The following MIPOL1 variants were observed in gnomAD, a reference collection of about 807,000 sequenced individuals.
MIPOL1 encodes mirror-image polydactyly gene 1 protein.
Under a neutral mutation model 60.9 loss-of-function variants are expected in MIPOL1, and 57 were observed. That is an observed-to-expected ratio of 0.94 (90% CI 0.76 to 1.17). MIPOL1 has a LOEUF of 1.17. MIPOL1 is among the 50% of genes most tolerant of loss of function. The pLI, the probability that MIPOL1 is intolerant of heterozygous loss-of-function variation, is 0.00. For missense variants in MIPOL1, 551 were observed against 511.6 expected (o/e 1.08, Z -0.74); for synonymous variants, 179 against 168.8 (o/e 1.06, Z -0.47).
At chr14:37,215,108 T>C (rs899316358) in intron 1 of MIPOL1, among the ~76,000 whole-genome samples, 1 of 152,186 alleles carries the variant, frequency 6.6e-6, no homozygotes, top group Admixed American at 6.5e-5. Context: ...GTCTCTGATA[T>C]GCAGAAATAA....
intron 9 of MIPOL1, among the ~76,000 whole-genome samples, chr14:37,342,990 A>G (rs2153463754): frequency 6.7e-6 from 1 of 149,694 alleles, no homozygotes; most frequent in South Asian, 2.1e-4. Context: ...TGTAGTTAAA[A>G]TATATATTTA....
intron 9 of MIPOL1, among the ~76,000 whole-genome samples, chr14:37,337,866 C>A (rs971517578): frequency 6.6e-6 from 1 of 151,972 alleles, no homozygotes; most frequent in African/African-American, 2.4e-5. Context: ...TCATATGCAG[C>A]ACAGAAGTTT....
chr14:37,259,669 A>G (rs1320174497), intron 3 of MIPOL1, among the ~76,000 whole-genome samples: 1 of 152,122 alleles, frequency 6.6e-6, no homozygotes, highest in African/African-American at 2.4e-5. Context: ...GGGTAGTCCA[A>G]ACTGAGATTT....
intron 3 of MIPOL1, among the ~76,000 whole-genome samples, chr14:37,255,516 T>C (rs753212664): frequency 1.3e-5 from 2 of 151,836 alleles, no homozygotes; most frequent in East Asian, 3.9e-4. Context: ...TAAAAATCTT[T>C]TGGAGGAGTT....
chr14:37,216,372 T>C (rs1240539760), intron 1 of MIPOL1, among the ~76,000 whole-genome samples: 1 of 152,156 alleles, frequency 6.6e-6, no homozygotes, highest in African/African-American at 2.4e-5. Context: ...ATTGAACATA[T>C]TTTCCAGACA....
At chr14:37,248,615 G>A (rs1973572879) in intron 3 of MIPOL1, among the ~76,000 whole-genome samples, 1 of 151,712 alleles carries the variant, frequency 6.6e-6, no homozygotes, top group African/African-American at 2.4e-5. Context: ...ACAAGATACA[G>A]ATATCTATAT....
chr14:37,499,792 T>C, intron 11 of MIPOL1, 116 bp from the exon 12 acceptor site: 1 of 505,236 alleles, frequency 2.0e-6, no homozygotes, highest in Non-Finnish European at 3.5e-6. Context: ...ATTTGCTCAT[T>C]TAAGTATTTA....
chr14:37,228,331 T>C (rs1295052642), intron 1 of MIPOL1, among the ~76,000 whole-genome samples: 83 of 150,178 alleles, frequency 5.5e-4, no homozygotes, highest in African/African-American at 1.4e-3. Context: ...TTTTCTTTTT[T>C]TTTTTTTTTT....
chr14:37,266,739 C>T (rs1314780761), intron 3 of MIPOL1, among the ~76,000 whole-genome samples, 199 bp from the exon 4 acceptor site: 3 of 152,194 alleles, frequency 2.0e-5, no homozygotes, highest in Admixed American at 6.5e-5. Context: ...TAAGTCCCAA[C>T]TCTTTTTGGC....
intron 10 of MIPOL1, among the ~76,000 whole-genome samples, chr14:37,380,694 G>A (rs562794582): frequency 6.6e-6 from 1 of 151,964 alleles, no homozygotes; most frequent in Non-Finnish European, 1.5e-5. Context: ...TTTCTAATTG[G>A]GAGTTTCATA....
At chr14:37,369,088 C>T (rs1465504912) in intron 9 of MIPOL1, among the ~76,000 whole-genome samples, 1 of 151,476 alleles carries the variant, frequency 6.6e-6, no homozygotes, top group Non-Finnish European at 1.5e-5. Context: ...GAACATATAC[C>T]TTATAATTTT....
chr14:37,509,553 A>C (rs2095308938), intron 12 of MIPOL1, among the ~76,000 whole-genome samples: 1 of 151,846 alleles, frequency 6.6e-6, no homozygotes, highest in Non-Finnish European at 1.5e-5. Flanking sequence ...ACGTTTCTAC[A>C]GTTTCTCAAT....
intron 10 of MIPOL1, among the ~76,000 whole-genome samples, chr14:37,374,730 G>C (rs954707500): frequency 6.6e-6 from 1 of 152,072 alleles, no homozygotes; most frequent in Non-Finnish European, 1.5e-5. Context: ...CCTCTGTTCT[G>C]TTTCATTGGT....
At chr14:37,485,641 T>A (rs752722175) in intron 11 of MIPOL1, among the ~76,000 whole-genome samples, 3 of 152,138 alleles carry the variant, frequency 2.0e-5, no homozygotes, top group Non-Finnish European at 2.9e-5. Flanking sequence ...TTTGAGAAGT[T>A]TCTGTTCATA....
At chr14:37,460,302 TG>T (rs2094525393) in intron 11 of MIPOL1, among the ~76,000 whole-genome samples, 1 of 152,074 alleles carries the variant, frequency 6.6e-6, no homozygotes, top group Non-Finnish European at 1.5e-5. Flanking sequence ...AAGCATTTGA[TG>T]AAATCCAACA....
intron 6 of MIPOL1, among the ~76,000 whole-genome samples, chr14:37,282,001 T>A (rs2084144867): frequency 6.6e-6 from 1 of 152,026 alleles, no homozygotes. Flanking sequence ...AACCTTAGAA[T>A]ACATAAATGG....
chr14:37,444,764 G>A (rs2094305997), intron 11 of MIPOL1, among the ~76,000 whole-genome samples: 1 of 152,092 alleles, frequency 6.6e-6, no homozygotes, highest in South Asian at 2.1e-4. Flanking sequence ...TGCAAGGCTG[G>A]TTCAATATAC....
chr14:37,447,263 C>T (rs115726598), intron 11 of MIPOL1, among the ~76,000 whole-genome samples: 1 of 151,942 alleles, frequency 6.6e-6, no homozygotes, highest in Non-Finnish European at 1.5e-5. Context: ...ACATCCTTCA[C>T]AAAAATTACC....
At chr14:37,360,029 A>G (rs1316838174) in intron 9 of MIPOL1, among the ~76,000 whole-genome samples, 2 of 152,136 alleles carry the variant, frequency 1.3e-5, no homozygotes, top group African/African-American at 2.4e-5. Context: ...TTTAGCATGA[A>G]GGGCTGTTGA....
Sources: gnomAD v4.1 joint callset for allele counts (sites outside exome capture counted in the v4.1 genomes callset) on GRCh38, gnomAD v4.1.1 for gene constraint, MANE v1.5 for transcripts, NCBI Gene and HGNC (gene_info 2026-07-23, HGNC 2026-07-21) for gene names.